The following ERC2 variants were observed in gnomAD, a reference collection of about 807,000 sequenced individuals.
ERC2 encodes the protein ERC protein 2.
A neutral mutation model predicts 114.8 loss-of-function variants in ERC2; 42 were observed. The observed-to-expected ratio is 0.37, with a 90% CI of 0.29 to 0.47. The LOEUF (loss-of-function observed/expected upper bound fraction) is 0.47. Ranked by LOEUF, ERC2 falls within the 20% of genes least tolerant of loss-of-function variation. The pLI, the probability that ERC2 is intolerant of heterozygous loss-of-function variation, is 0.99. For missense variants in ERC2, 939 were observed against 1,150.7 expected (o/e 0.82, Z 2.66); for synonymous variants, 454 against 425.5 (o/e 1.07, Z -0.82).
Position 56,076,337 on chromosome 3 carries a change from T to A in ERC2, c.1641+4480A>T, listed in dbSNP as rs149065298. ...ATGCTGTAAGAATCTATGTGTTACATAACAGTCTGAATTTGATCGGGTTCA... is the reference window on the plus strand; with the variant it reads ...ATGCTGTAAGAATCTATGTGTTACAAAACAGTCTGAATTTGATCGGGTTCA... On this transcript the variant is annotated intron_variant, in intron 7 of 17. Transcript: ENST00000288221. Among the ~76,000 whole-genome samples, 166 of 152,322 alleles carry A rather than the reference T, an allele frequency of 1.1e-3. 4 individuals are homozygous for A. The East Asian group carries it at 0.027, about 25-fold the overall frequency.
intron 12 of ERC2, among the ~76,000 whole-genome samples, chr3:55,972,453 G>C (rs2069239304): frequency 6.6e-6 from 1 of 152,078 alleles, no homozygotes; most frequent in Non-Finnish European, 1.5e-5. Flanking sequence ...ACAGGCCACG[G>C]TGTGTGATGT....
At chr3:55,701,250 GGCAGCT>G (rs2063210736) in intron 15 of ERC2, among the ~76,000 whole-genome samples, 1 of 152,062 alleles carries the variant, frequency 6.6e-6, no homozygotes, top group South Asian at 2.1e-4. Flanking sequence ...ATCCTCATTT[GGCAGCT>G]AGAAAAGTAA....
At chr3:55,931,784 G>T (rs1041670189) in intron 13 of ERC2, among the ~76,000 whole-genome samples, 1 of 152,080 alleles carries the variant, frequency 6.6e-6, no homozygotes, top group African/African-American at 2.4e-5. Context: ...AAGTGGTGTG[G>T]TTTGAGCAAG....
At chr3:56,115,797 C>G (rs2079196821) in intron 6 of ERC2, among the ~76,000 whole-genome samples, 1 of 151,992 alleles carries the variant, frequency 6.6e-6, no homozygotes. Context: ...ACAAGGGACT[C>G]ACCTTTTAGC....
chr3:56,060,510 T>C (rs1489852877), intron 7 of ERC2, among the ~76,000 whole-genome samples: 1 of 152,228 alleles, frequency 6.6e-6, no homozygotes, highest in African/African-American at 2.4e-5. Context: ...AGGTTGACCA[T>C]TTGGGCAATC....
chr3:55,690,066 A>G (rs2062560617), intron 16 of ERC2, among the ~76,000 whole-genome samples: 1 of 152,226 alleles, frequency 6.6e-6, no homozygotes, highest in African/African-American at 2.4e-5. Flanking sequence ...GGGGTACAAA[A>G]TGATTCTTAA....
chr3:56,067,389 C>T (rs553413711), intron 7 of ERC2, among the ~76,000 whole-genome samples: 17 of 152,248 alleles, frequency 1.1e-4, no homozygotes, highest in South Asian at 1.0e-3. Flanking sequence ...TGATTTTGCA[C>T]ATTGATTTTG....
At chr3:55,611,654 C>T (rs2058913636) in intron 17 of ERC2, among the ~76,000 whole-genome samples, 1 of 152,186 alleles carries the variant, frequency 6.6e-6, no homozygotes, top group East Asian at 1.9e-4. Context: ...CAGCATGTCT[C>T]GGCTATCCCA....
chr3:55,861,061 G>A (rs79126831), intron 14 of ERC2, among the ~76,000 whole-genome samples: 127 of 152,306 alleles, frequency 8.3e-4, no homozygotes, highest in African/African-American at 3.0e-3. Flanking sequence ...TTTCAACTGT[G>A]CTCGTTGACA....
chr3:56,012,971 G>A (rs9857795), intron 8 of ERC2, among the ~76,000 whole-genome samples: 5,917 of 152,238 alleles, frequency 0.039, 251 homozygotes, highest in African/African-American at 0.11. Flanking sequence ...ATCACAGGGT[G>A]GGAACTAAAT....
At chr3:55,603,407 C>T (rs1217745066) in intron 17 of ERC2, among the ~76,000 whole-genome samples, 4 of 152,026 alleles carry the variant, frequency 2.6e-5, no homozygotes, top group Admixed American at 1.3e-4. Context: ...CCGAGGCAGG[C>T]GGATCACAAG....
intron 2 of ERC2, among the ~76,000 whole-genome samples, chr3:56,339,946 C>T (rs539000600): frequency 3.3e-5 from 5 of 152,326 alleles, no homozygotes; most frequent in Admixed American, 6.5e-5. Context: ...GATTAGTCTA[C>T]ATACCTCAGA....
At chr3:55,808,792 G>A (rs950144608) in intron 14 of ERC2, among the ~76,000 whole-genome samples, 4 of 136,906 alleles carry the variant, frequency 2.9e-5, no homozygotes, top group Non-Finnish European at 6.1e-5. Flanking sequence ...GAGAGAATAT[G>A]ACTCTACTAG....
At chr3:55,730,945 C>T (rs988741592) in intron 15 of ERC2, among the ~76,000 whole-genome samples, 3 of 152,216 alleles carry the variant, frequency 2.0e-5, no homozygotes, top group African/African-American at 4.8e-5. Flanking sequence ...GGGTGGCCTT[C>T]CCCTTTCATT....
In ERC2 at chr3:56,115,035, G is replaced by T. The variant is rs536081785; in HGVS notation, c.1473+24474C>A. ...CAACACTATGTCAAACCTAAGATTGGTGTTTAAGGTATTTTTCAGACCCTG... is the reference window on the plus strand; with the variant it reads ...CAACACTATGTCAAACCTAAGATTGTTGTTTAAGGTATTTTTCAGACCCTG... On this transcript the variant is annotated intron_variant, in intron 6 of 17. Transcript: ENST00000288221. Among the ~76,000 whole-genome samples, 27 of 152,236 alleles carry T rather than the reference G, an allele frequency of 1.8e-4. No homozygotes were observed. In the South Asian group the frequency reaches 5.6e-3, roughly 32 times the overall value.
chr3:55,562,476 C>T (rs1464243473), intron 17 of ERC2, among the ~76,000 whole-genome samples: 1 of 152,100 alleles, frequency 6.6e-6, no homozygotes, highest in Non-Finnish European at 1.5e-5. Context: ...TTTAATTAAG[C>T]TAATTTGAGT....
intron 12 of ERC2, among the ~76,000 whole-genome samples, chr3:55,981,866 G>T (rs529507423): frequency 1.3e-5 from 2 of 152,300 alleles, no homozygotes; most frequent in East Asian, 3.9e-4. Context: ...AAGAAAGAGT[G>T]GGGTGAGACA....
At chr3:55,835,561 G>C (rs2060836466) in intron 14 of ERC2, among the ~76,000 whole-genome samples, 1 of 152,166 alleles carries the variant, frequency 6.6e-6, no homozygotes, top group Non-Finnish European at 1.5e-5. Context: ...AATGCTTCAT[G>C]CTAAAAACTC....
At chr3:55,566,560 T>A (rs1486182971) in intron 17 of ERC2, among the ~76,000 whole-genome samples, 9 of 151,814 alleles carry the variant, frequency 5.9e-5, no homozygotes, top group Admixed American at 5.9e-4. Flanking sequence ...GCCTTCTGAG[T>A]AGCTGAGATT....
Sources: gnomAD v4.1 joint callset for allele counts (sites outside exome capture counted in the v4.1 genomes callset) on GRCh38, gnomAD v4.1.1 for gene constraint, MANE v1.5 for transcripts, NCBI Gene and HGNC (gene_info 2026-07-23, HGNC 2026-07-21) for gene names.